Variants in PPP3CA observed in about 807,000 individuals in gnomAD.
PPP3CA encodes CAM-PRP catalytic subunit.
A neutral mutation model predicts 66.5 loss-of-function variants in PPP3CA; 14 were observed. That is an observed-to-expected ratio of 0.21 (90% confidence interval 0.14 to 0.33). The LOEUF is 0.33. Among genes scored for constraint, PPP3CA ranks in the 10% least tolerant of loss-of-function variants. The probability of loss-of-function intolerance (pLI) is 1.00; values close to 1 mark genes in which losing one functional copy is unlikely to be tolerated. For synonymous variants in PPP3CA, 232 were observed against 226.2 expected, an observed-to-expected ratio of 1.03 and a Z score of -0.23; for missense variants, 317 against 639.5, an observed-to-expected ratio of 0.50 and a Z score of 5.44.
At chr4:101,335,839 T>C (rs1045456031) in intron 1 of PPP3CA, among the ~76,000 whole-genome samples, 13 of 152,108 alleles carry the variant, frequency 8.5e-5, no homozygotes, top group African/African-American at 3.1e-4. Flanking sequence ...TCAACCTTTG[T>C]TCACTTCTCC....
At chr4:101,140,559 C>A (rs1026345770) in intron 2 of PPP3CA, among the ~76,000 whole-genome samples, 1 of 152,136 alleles carries the variant, frequency 6.6e-6, no homozygotes, top group South Asian at 2.1e-4. Flanking sequence ...GGGTAAGATG[C>A]ATTACCTATG....
chr4:101,182,351 C>T (rs1421443679), intron 2 of PPP3CA, among the ~76,000 whole-genome samples: 1 of 152,066 alleles, frequency 6.6e-6, no homozygotes, highest in Non-Finnish European at 1.5e-5. Context: ...TATTAAAATG[C>T]ACTGGGAACT....
At chr4:101,078,986 T>C (rs1578425935) in intron 8 of PPP3CA, among the ~76,000 whole-genome samples, 1 of 152,192 alleles carries the variant, frequency 6.6e-6, no homozygotes, top group African/African-American at 2.4e-5. Flanking sequence ...AACTGCACTA[T>C]GCCTTACTGA....
intron 2 of PPP3CA, among the ~76,000 whole-genome samples, chr4:101,162,407 GGTAATCCCA>G (rs1292903289): frequency 6.6e-6 from 1 of 151,560 alleles, no homozygotes; most frequent in Non-Finnish European, 1.5e-5. Context: ...GGCGGGTGCT[GGTAATCCCA>G]GCTATTCAGG....
intron 1 of PPP3CA, among the ~76,000 whole-genome samples, chr4:101,317,624 C>A (rs1388372083): frequency 1.3e-5 from 2 of 152,114 alleles, no homozygotes; most frequent in Admixed American, 1.3e-4. Context: ...ACTTGTCATA[C>A]CAAAAACTAC....
intron 2 of PPP3CA, among the ~76,000 whole-genome samples, chr4:101,172,318 C>T: frequency 6.6e-6 from 1 of 152,146 alleles, no homozygotes; most frequent in South Asian, 2.1e-4. Context: ...CTTAACATTA[C>T]TGGCTTCAGC....
chr4:101,163,942 G>A (rs1018821538), intron 2 of PPP3CA, among the ~76,000 whole-genome samples: 17 of 151,752 alleles, frequency 1.1e-4, no homozygotes, highest in Non-Finnish European at 2.2e-4. Flanking sequence ...GTGGAAGTTG[G>A]TATAAGACAC....
intron 1 of PPP3CA, among the ~76,000 whole-genome samples, chr4:101,199,570 C>T (rs1024888064): frequency 1.3e-5 from 2 of 152,104 alleles, no homozygotes; most frequent in Non-Finnish European, 2.9e-5. Context: ...TTCACAATTC[C>T]CACTCAATGC....
intron 1 of PPP3CA, among the ~76,000 whole-genome samples, chr4:101,288,598 G>T (rs1411280882): frequency 6.6e-6 from 1 of 151,808 alleles, no homozygotes; most frequent in Non-Finnish European, 1.5e-5. Context: ...CAACGGGAAG[G>T]AGGGGAAGGA....
intron 2 of PPP3CA, among the ~76,000 whole-genome samples, chr4:101,141,764 C>CCTA (rs1223980246): frequency 6.6e-6 from 1 of 152,126 alleles, no homozygotes; most frequent in Non-Finnish European, 1.5e-5. Flanking sequence ...TTTGTCTCTC[C>CCTA]CTACTAGAAC....
chr4:101,130,175 A>G (rs908676858), intron 2 of PPP3CA, among the ~76,000 whole-genome samples: 1 of 152,038 alleles, frequency 6.6e-6, no homozygotes. Context: ...CCTTAATGAA[A>G]CAGAGCATGA....
Position 101,173,645 on chromosome 4 carries a change from T to C in PPP3CA, c.259+22271A>G, listed in dbSNP as rs139376667. Among the ~76,000 whole-genome samples the C allele has an allele frequency of 6.0e-4, 92 of 152,270 alleles. 1 individual carries two copies. The highest frequency in any genetic ancestry group is 2.1e-3 in the African/African-American group (89 of 41,574). ...GTTTTAAATAACAGTTTAGCAAAGA[T>C]GTCTTCCATCCAAATAATTTTAATT... On this transcript the variant is annotated intron_variant, in intron 2 of 13. Transcript: ENST00000394854.
intron 8 of PPP3CA, among the ~76,000 whole-genome samples, chr4:101,073,279 CTTT>C (rs749407027): frequency 7.4e-6 from 1 of 134,830 alleles, no homozygotes; most frequent in Non-Finnish European, 1.6e-5. Flanking sequence ...CACTTACATA[CTTT>C]TTTTTTTTTT....
At chr4:101,051,748 G>T (rs534821477) in intron 10 of PPP3CA, among the ~76,000 whole-genome samples, 8 of 151,978 alleles carry the variant, frequency 5.3e-5, no homozygotes, top group Non-Finnish European at 1.2e-4. Flanking sequence ...TTGCTTTCTC[G>T]AATAAATTTT....
intron 1 of PPP3CA, among the ~76,000 whole-genome samples, chr4:101,326,932 A>G (rs148157511): frequency 4.6e-5 from 7 of 152,350 alleles, no homozygotes; most frequent in African/African-American, 1.4e-4. Context: ...AGAAGTTCAA[A>G]TATGAATAGG....
In PPP3CA at chr4:101,347,033, C is replaced by A; in HGVS notation, c.-237G>T. 2 of 590,894 alleles carry A rather than the reference C, an allele frequency of 3.4e-6. No individual in the cohort carries two copies. The highest frequency in any genetic ancestry group is 5.9e-6 in the Non-Finnish European group (2 of 337,978). 36.6% of individuals were successfully genotyped at this position (590,894 alleles called of 1,614,324 possible). A position where few individuals can be genotyped will look rare whatever the true frequency, so the allele number is the denominator to read the frequency against. ...GCCGCTGCCGCCAGCCCCGCCGACT[C>A]GCTCCGGGCTGCGCGTGTGTGGTGG... On this transcript the variant is annotated 5_prime_UTR_variant, in exon 1 of 14. Transcript: ENST00000394854.
At chr4:101,061,227 C>T in intron 9 of PPP3CA, 66 bp from the exon 10 acceptor site, 1 of 1,363,402 alleles carries the variant, frequency 7.3e-7, no homozygotes, top group East Asian at 2.3e-5. Flanking sequence ...ATTACTCTGG[C>T]ATTGTTAATG....
chr4:101,031,291 T>TA (rs898027626), intron 12 of PPP3CA, among the ~76,000 whole-genome samples: 1 of 152,048 alleles, frequency 6.6e-6, no homozygotes, highest in South Asian at 2.1e-4. Context: ...CAAAGAAAGA[T>TA]ACAGGAAAAT....
chr4:101,109,198 T>C (rs552915035), intron 2 of PPP3CA, 120 bp from the exon 3 acceptor site: 3 of 1,076,618 alleles, frequency 2.8e-6, no homozygotes, highest in East Asian at 5.4e-5. Flanking sequence ...AAACATTCTT[T>C]TGCAGAACAA....
Sources: gnomAD v4.1 joint callset for allele counts (sites outside exome capture counted in the v4.1 genomes callset) on GRCh38, gnomAD v4.1.1 for gene constraint, MANE v1.5 for transcripts, NCBI Gene and HGNC (gene_info 2026-07-23, HGNC 2026-07-21) for gene names.